TANC2: variants seen among roughly 807,000 people sequenced by gnomAD.
TANC2 encodes tetratricopeptide repeat, ankyrin repeat and coiled-coil containing 2, also known as protein TANC2.
A neutral mutation model predicts 210.5 loss-of-function variants in TANC2; 26 were observed. The observed-to-expected ratio is 0.12, with a 90% CI of 0.09 to 0.17. The LOEUF (loss-of-function observed/expected upper bound fraction) is 0.17. TANC2 is among the 10% of genes least tolerant of loss of function. The pLI is 1.00. For missense variants in TANC2, 2,129 were observed against 2,608.9 expected, an observed-to-expected ratio of 0.82 and a Z score of 4.01; for synonymous variants, 931 against 967.1, an observed-to-expected ratio of 0.96 and a Z score of 0.69.
chr17:63,140,623 A>G (rs2145306195), intron 4 of TANC2, among the ~76,000 whole-genome samples: 1 of 152,356 alleles, frequency 6.6e-6, no homozygotes, highest in East Asian at 1.9e-4. Flanking sequence ...AATGGAGACC[A>G]GGATATTGGT....
At chr17:63,045,647 G>A (rs1031504907) in intron 2 of TANC2, among the ~76,000 whole-genome samples, 4 of 151,940 alleles carry the variant, frequency 2.6e-5, no homozygotes, top group Admixed American at 2.6e-4. Context: ...TGTGGAGAAA[G>A]CCAATTTTCC....
chr17:63,000,166 A>G (rs1056277478), intron 1 of TANC2, among the ~76,000 whole-genome samples: 1 of 152,152 alleles, frequency 6.6e-6, no homozygotes, highest in African/African-American at 2.4e-5. Context: ...CTGTACGCCA[A>G]ACCCTGTCAC....
intron 4 of TANC2, among the ~76,000 whole-genome samples, chr17:63,106,579 G>A (rs7212556): frequency 1.7e-4 from 26 of 151,346 alleles, no homozygotes; most frequent in Admixed American, 1.2e-3. Flanking sequence ...GCCAGGAGGC[G>A]TGAGGACAAG....
At chr17:63,136,345 A>C (rs1412396630) in intron 4 of TANC2, among the ~76,000 whole-genome samples, 3 of 152,210 alleles carry the variant, frequency 2.0e-5, no homozygotes, top group East Asian at 1.9e-4. Flanking sequence ...ACATAATTGC[A>C]TGAAAATAGA....
intron 4 of TANC2, among the ~76,000 whole-genome samples, chr17:63,124,002 TA>T (rs1217299545): frequency 6.6e-6 from 1 of 152,062 alleles, no homozygotes; most frequent in Admixed American, 6.6e-5. Context: ...CGCCCGGCCA[TA>T]AGGTCTCTTT....
intron 9 of TANC2, among the ~76,000 whole-genome samples, chr17:63,293,180 T>C (rs940002439): frequency 3.9e-5 from 6 of 152,174 alleles, no homozygotes; most frequent in African/African-American, 1.4e-4. Flanking sequence ...CAGACTTGAC[T>C]CTTGTAAATG....
intron 11 of TANC2, among the ~76,000 whole-genome samples, chr17:63,339,707 C>T (rs2046161963): frequency 6.6e-6 from 1 of 151,594 alleles, no homozygotes; most frequent in Non-Finnish European, 1.5e-5. Flanking sequence ...TTATTTTATT[C>T]CTCATGCTTT....
chr17:63,269,892 A>C (rs955378356), intron 9 of TANC2, among the ~76,000 whole-genome samples: 7 of 152,306 alleles, frequency 4.6e-5, no homozygotes, highest in African/African-American at 1.7e-4. Context: ...GCTCTGACTG[A>C]ATATTGAATT....
At chr17:63,025,674 T>G (rs1020696198) in intron 2 of TANC2, among the ~76,000 whole-genome samples, 11 of 151,926 alleles carry the variant, frequency 7.2e-5, no homozygotes, top group African/African-American at 2.7e-4. Context: ...CACACATCTG[T>G]AATCCCAGCT....
intron 9 of TANC2, among the ~76,000 whole-genome samples, chr17:63,311,343 C>T (rs1239988462): frequency 6.6e-6 from 1 of 152,094 alleles, no homozygotes; most frequent in Non-Finnish European, 1.5e-5. Context: ...GAGATGTTCA[C>T]ATTACATTGC....
At chr17:63,167,362 T>C (rs528440977) in intron 5 of TANC2, among the ~76,000 whole-genome samples, 2 of 152,342 alleles carry the variant, frequency 1.3e-5, no homozygotes, top group East Asian at 3.9e-4. Context: ...TCTACAAGTA[T>C]AAAATTTCAG....
chr17:63,154,767 T>C (rs1351276698), intron 5 of TANC2: 1 of 152,120 alleles, frequency 6.6e-6, no homozygotes, highest in Non-Finnish European at 1.5e-5. Context: ...GGTCATTTTT[T>C]GTTAAGTGTG....
chr17:63,181,111 A>G (rs2040770208), intron 5 of TANC2, among the ~76,000 whole-genome samples: 1 of 151,288 alleles, frequency 6.6e-6, no homozygotes, highest in Non-Finnish European at 1.5e-5. Context: ...TTCCTACTAA[A>G]TTTGCAATGT....
intron 3 of TANC2, among the ~76,000 whole-genome samples, chr17:63,083,360 C>G (rs1293438072): frequency 6.6e-6 from 1 of 152,172 alleles, no homozygotes; most frequent in East Asian, 1.9e-4. Flanking sequence ...AAAAAGATTC[C>G]CTTCTCTCAG....
chr17:63,205,366 A>AAC (rs1567813557), intron 7 of TANC2, among the ~76,000 whole-genome samples: 1 of 148,232 alleles, frequency 6.7e-6, no homozygotes, highest in African/African-American at 2.5e-5. Context: ...AAAAAAAAAA[A>AAC]AAAAAACCTC....
intron 5 of TANC2, among the ~76,000 whole-genome samples, chr17:63,184,250 A>C (rs1020423647): frequency 2.0e-5 from 3 of 152,176 alleles, no homozygotes; most frequent in Non-Finnish European, 4.4e-5. Flanking sequence ...CATCTGAGCA[A>C]CTTAAATAGT....
At chr17:63,008,662 A>G (rs988573899) in intron 1 of TANC2, among the ~76,000 whole-genome samples, 3 of 152,074 alleles carry the variant, frequency 2.0e-5, no homozygotes, top group African/African-American at 7.2e-5. Context: ...TGATTTTTTA[A>G]AATAAAATTC....
At chr17:63,110,413 T>C (rs1315742843) in intron 4 of TANC2, among the ~76,000 whole-genome samples, 1 of 151,782 alleles carries the variant, frequency 6.6e-6, no homozygotes, top group Non-Finnish European at 1.5e-5. Context: ...GTTGTCTTAA[T>C]TTGTTTAGGT....
intron 11 of TANC2, among the ~76,000 whole-genome samples, chr17:63,335,709 G>A (rs1598881174): frequency 6.6e-6 from 1 of 152,072 alleles, no homozygotes; most frequent in South Asian, 2.1e-4. Context: ...ATACAGTATG[G>A]GGTCCTGGAT....
Sources: allele counts gnomAD v4.1 joint callset (sites outside exome capture counted in the v4.1 genomes callset), GRCh38; gene constraint gnomAD v4.1.1; transcripts MANE v1.5; gene names NCBI Gene and HGNC (gene_info 2026-07-23, HGNC 2026-07-21).